Variants in RARA observed in about 807,000 individuals in gnomAD.
The protein encoded by RARA is PML-DDX5-RARA fusion.
A neutral mutation model predicts 42.8 loss-of-function variants in RARA; 5 were observed. That is an observed-to-expected ratio of 0.12 (90% CI 0.06 to 0.25). The LOEUF (loss-of-function observed/expected upper bound fraction) is 0.25. Among genes scored for constraint, RARA ranks in the 10% least tolerant of loss-of-function variants. The probability of loss-of-function intolerance (pLI) is 1.00; values close to 1 mark genes in which losing one functional copy is unlikely to be tolerated. For missense variants in RARA, 402 were observed against 628.7 expected, an observed-to-expected ratio of 0.64 and a Z score of 3.86; for synonymous variants, 256 against 259.5, an observed-to-expected ratio of 0.99 and a Z score of 0.13.
intron 2 of RARA, chr17:40,342,338 C>A (rs2034088248): frequency 4.6e-6 from 5 of 1,076,564 alleles, no homozygotes; most frequent in Non-Finnish European, 5.6e-6. Context: ...CGCGCTGATC[C>A]CGCCCCCGGC....
At position 40,345,494 on chromosome 17, in the gene RARA, G is replaced by T. The variant is rs1231929698; in HGVS notation, c.179-2822G>T. Among the ~76,000 whole-genome samples the T allele has an allele frequency of 6.6e-6, 1 of 152,218 alleles. No homozygotes were observed. Among genetic ancestry groups the T allele is most frequent in the African/African-American group, 2.4e-5 (1 of 41,458 alleles). On this transcript the variant is annotated intron_variant, in intron 2 of 8. Transcript: ENST00000254066. The surrounding 1 kb of genome is among the most constrained non-coding windows in gnomAD (Gnocchi z 4.8). ...GCGAGCCTGCGAACGGCTCGGGGGC[G>T]TGGGGAATCCGGAGTGGAGCGCTCT... is the stretch of plus-strand genomic sequence containing the variant.
At chr17:40,334,369 A>G (rs2033785938) in intron 2 of RARA, among the ~76,000 whole-genome samples, 2 of 151,640 alleles carry the variant, frequency 1.3e-5, no homozygotes, top group Admixed American at 1.3e-4. Flanking sequence ...AAACAACAAC[A>G]ACTTCTCTCC....
rs193109682 is a variant in RARA, at chr17:40,354,073, A to G, written c.808-229A>G. Among the ~76,000 whole-genome samples the G allele has an allele frequency of 2.8e-4, 42 of 152,298 alleles. No individual in the cohort carries two copies. The highest frequency in any genetic ancestry group is 6.8e-3 in the Middle Eastern group (2 of 294). Reference sequence around the variant, plus strand: ...AAAATTAAACTCAATTCAGTTCCTCAGTTGCATTAGCCACATTTCAAGTAC... The same window carrying G: ...AAAATTAAACTCAATTCAGTTCCTCGGTTGCATTAGCCACATTTCAAGTAC... On this transcript the variant is annotated intron_variant, in intron 6 of 8. Coordinates refer to ENST00000254066, the MANE Select transcript of RARA (RefSeq NM_000964.4). This position sits in a 1 kb window ranked among gnomAD's most constrained non-coding sequence, Gnocchi z 4.5.
chr17:40,337,710 T>C (rs962752888), intron 2 of RARA, among the ~76,000 whole-genome samples: 2 of 152,252 alleles, frequency 1.3e-5, no homozygotes, highest in African/African-American at 4.8e-5. Flanking sequence ...GGTGGCTGCA[T>C]GTTTGCTTCG....
At position 40,339,005 on chromosome 17, in the gene RARA, G is replaced by A. The variant is rs182079933; in HGVS notation, c.178+7609G>A. 7.2e-5 allele frequency among the ~76,000 whole-genome samples: 11 copies of A among 152,278 alleles called. No homozygotes were observed. The East Asian group carries it at 2.1e-3, about 29-fold the overall frequency. On this transcript the variant is annotated intron_variant, in intron 2 of 8. Transcript: ENST00000254066. ...TGCACTCTAGCCTGGGTGACAGAAC[G>A]AGACTCTGTCTCAAATAAATAAATA...
chr17:40,344,883 C>T (rs1258428204), intron 2 of RARA, among the ~76,000 whole-genome samples: 1 of 152,156 alleles, frequency 6.6e-6, no homozygotes, highest in East Asian at 1.9e-4. Context: ...GGGGCCAATG[C>T]CACCACCTTG....
At chr17:40,319,570 C>T (rs1372151828) in intron 1 of RARA, among the ~76,000 whole-genome samples, 1 of 151,324 alleles carries the variant, frequency 6.6e-6, no homozygotes, top group Non-Finnish European at 1.5e-5. Flanking sequence ...CACTTCTGCC[C>T]CTGACACTCC....
At chr17:40,327,085 C>T (rs920862149) in intron 1 of RARA, among the ~76,000 whole-genome samples, 2 of 152,056 alleles carry the variant, frequency 1.3e-5, no homozygotes, top group African/African-American at 4.8e-5. Context: ...GGCCTTCCAG[C>T]CTTGCCCTGT....
At chr17:40,327,142 T>G (rs1407722558) in intron 1 of RARA, among the ~76,000 whole-genome samples, 2 of 152,072 alleles carry the variant, frequency 1.3e-5, no homozygotes, top group African/African-American at 4.8e-5. Flanking sequence ...GTAGTGGGGA[T>G]TGAAGTTTGA....
intron 1 of RARA, among the ~76,000 whole-genome samples, chr17:40,312,564 G>A (rs1309985264): frequency 1.3e-5 from 2 of 152,242 alleles, no homozygotes; most frequent in African/African-American, 2.4e-5. Flanking sequence ...GGCTGGCCAA[G>A]GTGAGGGTAA....
intron 1 of RARA, among the ~76,000 whole-genome samples, chr17:40,319,707 A>G (rs1414004835): frequency 1.3e-5 from 2 of 152,032 alleles, no homozygotes; most frequent in African/African-American, 4.8e-5. Context: ...TCTTGCTAGG[A>G]AATTGGACCT....
chr17:40,347,339 A>G (rs971619892), intron 2 of RARA, among the ~76,000 whole-genome samples: 2 of 152,176 alleles, frequency 1.3e-5, no homozygotes, highest in Non-Finnish European at 2.9e-5. Context: ...TGTCCTGGTC[A>G]TAGTTCTTAT....
chr17:40,328,043 G>A (rs1438292404), intron 1 of RARA, among the ~76,000 whole-genome samples: 1 of 152,122 alleles, frequency 6.6e-6, no homozygotes, highest in Non-Finnish European at 1.5e-5. Context: ...AGTAAAAATC[G>A]TGGTTATTAG....
intron 2 of RARA, among the ~76,000 whole-genome samples, chr17:40,347,658 C>T (rs540053434): frequency 6.6e-6 from 1 of 152,266 alleles, no homozygotes; most frequent in African/African-American, 2.4e-5. Context: ...GCTTTTGGGG[C>T]CCTGGGGACT....
intron 1 of RARA, chr17:40,318,543 G>A (rs1443237712): frequency 6.6e-6 from 1 of 152,254 alleles, no homozygotes; most frequent in East Asian, 1.9e-4. Context: ...GGAGGGGACT[G>A]GGTACCGGGA....
intron 1 of RARA, among the ~76,000 whole-genome samples, chr17:40,328,548 A>G (rs1415435565): frequency 6.6e-6 from 1 of 152,180 alleles, no homozygotes. Context: ...TCATCACCCC[A>G]GAAAGAGCCC....
intron 2 of RARA, 96 bp from the exon 3 acceptor site, chr17:40,348,220 G>GTACT: frequency 7.2e-7 from 1 of 1,397,406 alleles, no homozygotes; most frequent in Non-Finnish European, 9.5e-7. Context: ...GTGAGGCTGG[G>GTACT]AGAGGCTCTT....
intron 2 of RARA, among the ~76,000 whole-genome samples, chr17:40,332,609 T>A (rs533604595): frequency 1.3e-5 from 2 of 152,322 alleles, no homozygotes; most frequent in South Asian, 4.1e-4. Context: ...CACTGCTTCC[T>A]GGATCGCCTC....
At chr17:40,349,372 G>A (rs1437504927) in intron 3 of RARA, 3 of 193,126 alleles carry the variant, frequency 1.6e-5, no homozygotes, top group Non-Finnish European at 2.1e-5. Context: ...TGGCCAGCCC[G>A]TGTATCTGCC....
Sources: gnomAD v4.1 joint callset for allele counts (sites outside exome capture counted in the v4.1 genomes callset) on GRCh38, gnomAD v4.1.1 for gene constraint, Gnocchi (gnomAD v3.1) non-coding constraint, MANE v1.5 for transcripts, NCBI Gene and HGNC (gene_info 2026-07-23, HGNC 2026-07-21) for gene names.